GNAO1: variants seen among roughly 807,000 people sequenced by gnomAD.
GNAO1 encodes the protein G protein subunit alpha o1, also known as guanine nucleotide-binding protein G(o) subunit alpha.
For missense variants in GNAO1, 166 were observed against 478.7 expected, an observed-to-expected ratio of 0.35 and a Z score of 6.10; for synonymous variants, 164 against 180.7, an observed-to-expected ratio of 0.91 and a Z score of 0.74.
intron 3 of GNAO1, among the ~76,000 whole-genome samples, chr16:56,297,893 G>A (rs1208200647): frequency 6.6e-6 from 1 of 152,206 alleles, no homozygotes; most frequent in East Asian, 1.9e-4. Flanking sequence ...TATCGAGTGG[G>A]AGTGCTGGCT....
intron 3 of GNAO1, among the ~76,000 whole-genome samples, chr16:56,288,993 G>A (rs559447457): frequency 2.0e-3 from 302 of 151,760 alleles, no homozygotes; most frequent in Non-Finnish European, 3.3e-3. Flanking sequence ...CTAAGTTTAG[G>A]TGATTGCCAA....
At chr16:56,208,955 T>C (rs1411998416) in intron 2 of GNAO1, among the ~76,000 whole-genome samples, 1 of 152,184 alleles carries the variant, frequency 6.6e-6, no homozygotes, top group African/African-American at 2.4e-5. Context: ...TTAATGGTGT[T>C]TTATGCTAAA....
chr16:56,269,464 A>G (rs757118547), intron 2 of GNAO1, among the ~76,000 whole-genome samples: 1 of 152,188 alleles, frequency 6.6e-6, no homozygotes, highest in Non-Finnish European at 1.5e-5. Context: ...AATAATAGCT[A>G]GCACTGATTG....
chr16:56,208,029 T>C (rs1354599003), intron 2 of GNAO1, among the ~76,000 whole-genome samples: 2 of 152,134 alleles, frequency 1.3e-5, no homozygotes, highest in Non-Finnish European at 2.9e-5. Context: ...GTCCTTGCCT[T>C]TCTTTAGAGT....
chr16:56,248,323 T>C (rs1202480339), intron 2 of GNAO1, among the ~76,000 whole-genome samples: 1 of 152,232 alleles, frequency 6.6e-6, no homozygotes, highest in East Asian at 1.9e-4. Flanking sequence ...ATCAAACTTC[T>C]GATGTTTTCC....
chr16:56,252,820 T>C (rs888415492), intron 2 of GNAO1, among the ~76,000 whole-genome samples: 2 of 152,164 alleles, frequency 1.3e-5, no homozygotes, highest in African/African-American at 4.8e-5. Flanking sequence ...GGGTGGGCCC[T>C]GTCTTCAGTG....
At chr16:56,204,498 C>G (rs1435964452) in intron 2 of GNAO1, among the ~76,000 whole-genome samples, 1 of 151,978 alleles carries the variant, frequency 6.6e-6, no homozygotes, top group Non-Finnish European at 1.5e-5. Flanking sequence ...TTCAGTAGAC[C>G]CACAGGTAGC....
In GNAO1 at chr16:56,312,784, C is replaced by T. The variant is rs144192434; in HGVS notation, c.304-15847C>T. Among the ~76,000 whole-genome samples the T allele has an allele frequency of 1.9e-3, 287 of 152,328 alleles. 2 individuals are homozygous for T. Among genetic ancestry groups the T allele is most frequent in the African/African-American group, 6.3e-3 (263 of 41,584 alleles). Reference sequence around the variant, plus strand: ...TGCCCAGGGCCTTCCAAGTGGGGCACGTGCCACCGCTCTGTGAGATGAGAT... The same window carrying T: ...TGCCCAGGGCCTTCCAAGTGGGGCATGTGCCACCGCTCTGTGAGATGAGAT... On this transcript the variant is annotated intron_variant, in intron 3 of 8. Transcript: ENST00000262493.
chr16:56,344,721 C>A (rs1596878245), intron 6 of GNAO1: 1 of 985,550 alleles, frequency 1.0e-6, no homozygotes, highest in Non-Finnish European at 1.2e-6. Context: ...GCCTCCCGCC[C>A]AGTCCTCGCA....
chr16:56,281,228 A>G (rs190968242), intron 3 of GNAO1, among the ~76,000 whole-genome samples: 12 of 152,294 alleles, frequency 7.9e-5, no homozygotes, highest in Non-Finnish European at 1.6e-4. Context: ...AGATAGGCAC[A>G]GTATGATGAG....
At chr16:56,199,551 A>G (rs1222489743) in intron 2 of GNAO1, among the ~76,000 whole-genome samples, 1 of 152,210 alleles carries the variant, frequency 6.6e-6, no homozygotes, top group Admixed American at 6.5e-5. Context: ...GCAGACTAGT[A>G]AAAGGGGAGG....
intron 2 of GNAO1, among the ~76,000 whole-genome samples, chr16:56,251,941 A>C (rs113206368): frequency 7.9e-5 from 12 of 152,194 alleles, no homozygotes; most frequent in African/African-American, 2.7e-4. Context: ...GGGCCCAGAC[A>C]GAACCAGAGG....
At position 56,191,711 on chromosome 16, in the gene GNAO1, G is replaced by A; in HGVS notation, c.-525G>A. On this transcript the variant is annotated 5_prime_UTR_variant, in exon 1 of 9. An upstream start codon of the reference 5' UTR is lost. Transcript: ENST00000262493. The surrounding 1 kb of genome is among the most constrained non-coding windows in gnomAD (Gnocchi z 4.7). ...ACGGCTGAAGAGCGGCGATGCACAT[G>A]CACTAGCAGCACCCCCTAACTCACT... 1 of 162,414 alleles carries A rather than the reference G, an allele frequency of 6.2e-6. No homozygotes were observed. The highest frequency in any genetic ancestry group is 1.3e-5 in the Non-Finnish European group (1 of 74,386). The allele number at this position is 162,414 out of a possible 1,614,324, so 10.1% of individuals were successfully genotyped here.
At chr16:56,285,035 G>A (rs2037151861) in intron 3 of GNAO1, among the ~76,000 whole-genome samples, 1 of 152,196 alleles carries the variant, frequency 6.6e-6, no homozygotes, top group Admixed American at 6.5e-5. Context: ...GCCTTCATCT[G>A]GCCTGGCCTG....
intron 6 of GNAO1, chr16:56,343,615 C>A (rs931002164): frequency 3.3e-6 from 2 of 609,640 alleles, no homozygotes; most frequent in Admixed American, 5.7e-5. Context: ...TTTGCTGACC[C>A]CTCAGGTCCC....
chr16:56,213,818 A>C (rs570509270), intron 2 of GNAO1, among the ~76,000 whole-genome samples: 14 of 150,304 alleles, frequency 9.3e-5, no homozygotes, highest in Non-Finnish European at 1.8e-4. Flanking sequence ...AAGGAGGTTT[A>C]TATGTCTGGA....
chr16:56,337,481 T>C (rs1229633497), intron 6 of GNAO1, among the ~76,000 whole-genome samples: 1 of 152,224 alleles, frequency 6.6e-6, no homozygotes, highest in Non-Finnish European at 1.5e-5. Context: ...TCCTACCTTC[T>C]GTCTTGCGTC....
In GNAO1 at chr16:56,309,672, T is replaced by A. The variant is rs2143603968; in HGVS notation, c.304-18959T>A. Among the ~76,000 whole-genome samples, 4 of 152,296 alleles carry A rather than the reference T, an allele frequency of 2.6e-5. 1 individual carries two copies. The South Asian group carries it at 8.3e-4, about 32-fold the overall frequency. On this transcript the variant is annotated intron_variant, in intron 3 of 8. Transcript: ENST00000262493. ...GGACCAGAAGCCAAGGCCCTTCTGC[T>A]AGGAGAAGAGGGAGGTGAAGTGACC... is the stretch of plus-strand genomic sequence containing the variant.
At chr16:56,266,795 A>G (rs1050321093) in intron 2 of GNAO1, among the ~76,000 whole-genome samples, 2 of 152,196 alleles carry the variant, frequency 1.3e-5, no homozygotes, top group Non-Finnish European at 1.5e-5. Flanking sequence ...ACTTGCCCAC[A>G]GTCCAACTGT....
Sources: allele counts gnomAD v4.1 joint callset (sites outside exome capture counted in the v4.1 genomes callset), GRCh38; gene constraint gnomAD v4.1.1; non-coding constraint Gnocchi (gnomAD v3.1); transcripts MANE v1.5; gene names NCBI Gene and HGNC (gene_info 2026-07-23, HGNC 2026-07-21).